The following RBM44 variants were observed in gnomAD, a reference collection of about 807,000 sequenced individuals.
The protein encoded by RBM44 is RNA binding motif protein 44, also known as RNA-binding protein 44.
In RBM44, 66 loss-of-function variants were observed where a neutral mutation model predicts 105.1. The ratio of observed to expected loss-of-function variants is 0.63; its 90% CI spans 0.52 to 0.77. RBM44 has a LOEUF of 0.77. RBM44 is among the 30% of genes least tolerant of loss of function. The pLI is 0.00. For missense variants in RBM44, 1,122 were observed against 1,207.8 expected, an observed-to-expected ratio of 0.93 and a Z score of 1.05; for synonymous variants, 365 against 417.6, an observed-to-expected ratio of 0.87 and a Z score of 1.54.
Position 237,817,480 on chromosome 2 carries a change from A to G in RBM44, c.561A>G (p.Glu187=), listed in dbSNP as rs1392628348. 2.0e-5 allele frequency: 32 copies of G among 1,603,940 alleles called. No homozygotes were observed. The highest frequency in any genetic ancestry group is 2.7e-5 in the Non-Finnish European group (32 of 1,174,520). The change falls in exon 3 of 16, where the codon GAA becomes GAG. Residue 187 remains glutamate (E), a synonymous_variant. Coordinates refer to ENST00000316997, the MANE Select transcript of RBM44 (RefSeq NM_001080504.3). ...KHDTDEDSQQ[E]YHSAEEQEYI... The stretch of plus-strand genomic sequence containing the variant: ...ATACAGATGAAGACTCACAGCAGGA[A>G]TATCACAGTGCAGAAGAACAAGAAT...
chr2:237,810,274 T>TATATCTCCATTTGAATGTCAAATAG (rs1434591359), intron 1 of RBM44, among the ~76,000 whole-genome samples: 1 of 152,256 alleles, frequency 6.6e-6, no homozygotes, highest in Non-Finnish European at 1.5e-5. Flanking sequence ...TCCAGACCTC[T>TATATCTCCATTTGAATGTCAAATAG]ATATCTCCAT....
At chr2:237,835,887 A>G (rs150358927) in intron 15 of RBM44, among the ~76,000 whole-genome samples, 51 of 152,210 alleles carry the variant, frequency 3.4e-4, no homozygotes, top group East Asian at 1.2e-3. Context: ...TCAGTCCCCA[A>G]AGTCCAATGT....
rs2061742282 is a variant in RBM44, at chr2:237,818,177, G to A, written c.1258G>A (p.Asp420Asn). Residue 420 changes from aspartate to asparagine, a missense_variant, in exon 3 of 16, where the codon GAT (aspartate) becomes AAT (asparagine). Physicochemically the swap from Asp to Asn is conservative, Grantham distance 23. Around this residue, in one of 3 missense-constraint regions of RBM44, gnomAD observed 918 missense variants for 955.3 expected, o/e 0.96. Transcript: ENST00000316997. This position sits in a 1 kb window ranked among gnomAD's most constrained non-coding sequence, Gnocchi z 4.6. ...SAMLPKIAVR[D>N]NQAIEDNTSL... ...TATGCTACCAAAGATCGCAGTCAGA[G>A]ATAATCAGGCAATAGAAGATAATAC... is the stretch of plus-strand genomic sequence containing the variant. The A allele has an allele frequency of 6.2e-7, 1 of 1,613,144 alleles. No individual in the cohort carries two copies. Among genetic ancestry groups the A allele is most frequent in the African/African-American group, 1.3e-5 (1 of 74,994 alleles).
At position 237,821,165 on chromosome 2, in the gene RBM44, A is replaced by G; in HGVS notation, c.2008A>G (p.Lys670Glu). The G allele has an allele frequency of 2.5e-6, 4 of 1,611,586 alleles. No homozygotes were observed. Among genetic ancestry groups the G allele is most frequent in the Non-Finnish European group, 3.4e-6 (4 of 1,178,772 alleles). ...AGTTAGATATGTGACTTTGAAAGAA[A>G]AAATACACAAAGGCATACCACTGGA... Reference protein sequence around the residue: ...LKVRYVTLKEKIHKGIPLEEL... With the variant: ...LKVRYVTLKEEIHKGIPLEEL... The change falls in exon 6 of 16, where the codon AAA becomes GAA. Residue 670 changes from lysine to glutamate, a missense_variant. Physicochemically the swap from Lys to Glu is moderately conservative, Grantham distance 56. Transcript: ENST00000316997.
intron 1 of RBM44, among the ~76,000 whole-genome samples, chr2:237,802,751 C>T (rs1201988551): frequency 3.3e-5 from 5 of 152,132 alleles, no homozygotes; most frequent in Admixed American, 2.6e-4. Flanking sequence ...AAAACAGGCT[C>T]AGTCATTACT....
rs2150962610 is a variant in RBM44 at position 237,798,977 on chromosome 2, A to T, written c.-19+116A>T. The T allele has an allele frequency of 6.6e-6, 1 of 152,178 alleles. No homozygotes were observed. Among genetic ancestry groups the T allele is most frequent in the African/African-American group, 2.4e-5 (1 of 41,516 alleles). 9.4% of individuals were successfully genotyped at this position (152,178 alleles called of 1,614,324 possible). A position where few individuals can be genotyped will look rare whatever the true frequency, so the allele number is the denominator to read the frequency against. On this transcript the variant is annotated intron_variant, in intron 1 of 15. Coordinates refer to ENST00000316997, the MANE Select transcript of RBM44 (RefSeq NM_001080504.3). This position sits in a 1 kb window ranked among gnomAD's most constrained non-coding sequence, Gnocchi z 4.3. ...CCGCGTGTGGCCGGTCCCGGCGGCG[A>T]GGCCCGTCCCGCTGAAGCACGCGGG... is the stretch of plus-strand genomic sequence containing the variant.
chr2:237,828,354 A>G (rs2061869688), intron 12 of RBM44, among the ~76,000 whole-genome samples: 1 of 152,140 alleles, frequency 6.6e-6, no homozygotes, highest in Admixed American at 6.6e-5. Context: ...TAATTGTAAG[A>G]TAATTGTTCA....
At chr2:237,836,495 C>A (rs898926589) in intron 15 of RBM44, among the ~76,000 whole-genome samples, 1 of 152,032 alleles carries the variant, frequency 6.6e-6, no homozygotes, top group Non-Finnish European at 1.5e-5. Flanking sequence ...AAATTTCAAC[C>A]TTTCAGCCAG....
At chr2:237,838,064 A>G (rs2061977097) in intron 15 of RBM44, among the ~76,000 whole-genome samples, 1 of 152,244 alleles carries the variant, frequency 6.6e-6, no homozygotes, top group African/African-American at 2.4e-5. Context: ...TTGATGCAGC[A>G]AACTTCATTG....
intron 4 of RBM44, 72 bp downstream of exon 4, chr2:237,819,031 C>T: frequency 1.5e-6 from 1 of 682,300 alleles, no homozygotes; most frequent in Middle Eastern, 3.8e-4. Flanking sequence ...TTCTGTATAG[C>T]ATACTTACCC....
rs1167594796 is a variant in RBM44 at position 237,834,109 on chromosome 2, A to G, written c.2999A>G (p.Lys1000Arg). The change falls in exon 14 of 16, where the codon AAG becomes AGG. Residue 1000 changes from lysine (K) to arginine (R), a missense_variant. By Grantham distance (26) the Lys-to-Arg change is conservative. Transcript: ENST00000316997. Reference sequence around the variant, plus strand: ...CTTCGTAGCTTTACCAAGATCATAAAGAGACTGGCTGAACTGCATCCAGAA... The same window carrying G: ...CTTCGTAGCTTTACCAAGATCATAAGGAGACTGGCTGAACTGCATCCAGAA... ...LNLRSFTKII[K>R]RLAELHPEVS... The G allele has an allele frequency of 6.3e-7, 1 of 1,581,950 alleles. No homozygotes were observed. The highest frequency in any genetic ancestry group is 8.6e-7 in the Non-Finnish European group (1 of 1,162,288).
chr2:237,832,689 C>T (rs1313452385), intron 13 of RBM44, among the ~76,000 whole-genome samples: 2 of 152,158 alleles, frequency 1.3e-5, no homozygotes, highest in Admixed American at 6.6e-5. Context: ...CTGGCAATTT[C>T]TTGTTCCCTT....
At chr2:237,840,204 A>T (rs868031150) in intron 15 of RBM44, among the ~76,000 whole-genome samples, 2 of 151,308 alleles carry the variant, frequency 1.3e-5, no homozygotes, top group African/African-American at 4.9e-5. Context: ...AAAAAAAAAA[A>T]AAAAAAGGGC....
At chr2:237,812,751 T>G (rs2061672311) in intron 1 of RBM44, among the ~76,000 whole-genome samples, 1 of 152,152 alleles carries the variant, frequency 6.6e-6, no homozygotes, top group African/African-American at 2.4e-5. Flanking sequence ...AATGATTTTG[T>G]GAGTTGGCTG....
At chr2:237,834,170 C>A in intron 14 of RBM44, 28 bp downstream of exon 14, 1 of 1,534,226 alleles carries the variant, frequency 6.5e-7, no homozygotes, top group East Asian at 2.3e-5. Flanking sequence ...ATTTTAACTG[C>A]TTTAAAACTT....
In RBM44 at chr2:237,817,117, A is replaced by G. The variant is rs1559911421; in HGVS notation, c.198A>G (p.Lys66=). Residue 66 remains lysine (K), a synonymous_variant, in exon 3 of 16, where the codon AAA becomes AAG. Transcript: ENST00000316997. ...SSTLEQRANN[K]EISNIDKMDL... is the part of the protein sequence containing the mutation. Reference sequence around the variant, plus strand: ...CACTAGAGCAAAGAGCTAATAATAAAGAAATCAGCAATATTGACAAAATGG... The same window carrying G: ...CACTAGAGCAAAGAGCTAATAATAAGGAAATCAGCAATATTGACAAAATGG... The G allele has an allele frequency of 6.2e-7, 1 of 1,609,522 alleles. No individual in the cohort carries two copies. The highest frequency in any genetic ancestry group is 1.3e-5 in the African/African-American group (1 of 74,702).
Position 237,817,041 on chromosome 2 carries a change from G to C in RBM44, c.122G>C (p.Gly41Ala). 1 of 1,585,372 alleles carries C rather than the reference G, an allele frequency of 6.3e-7. No homozygotes were observed. The highest frequency in any genetic ancestry group is 1.1e-5 in the South Asian group (1 of 87,514). The change falls in exon 3 of 16, where the codon GGT (glycine) becomes GCT (alanine). Residue 41 changes from glycine to alanine, a missense_variant. Physicochemically the swap from Gly to Ala is moderately conservative, Grantham distance 60. Coordinates refer to ENST00000316997, the MANE Select transcript of RBM44 (RefSeq NM_001080504.3). ...KKENLLLSSN[G>A]CDEVKLTFPD... The stretch of plus-strand genomic sequence containing the variant: ...GAAAATTTGTTATTATCCTCCAATG[G>C]TTGTGATGAAGTCAAATTGACTTTT...
Position 237,839,933 on chromosome 2 carries a change from G to A in RBM44, c.*23-1906G>A, listed in dbSNP as rs150305272. ...ATAGGCTGGGGAGGGGGTGGCTCAC[G>A]CCAGTAATCCCAACACTTTGGGAGG... On this transcript the variant is annotated intron_variant, in intron 15 of 15. Coordinates refer to ENST00000316997, the MANE Select transcript of RBM44 (RefSeq NM_001080504.3). 2.3e-3 allele frequency among the ~76,000 whole-genome samples: 353 copies of A among 152,236 alleles called. 1 individual carries two copies. Among genetic ancestry groups the A allele is most frequent in the African/African-American group, 6.8e-3 (283 of 41,550 alleles).
rs1244448196 is a variant in RBM44 at position 237,829,396 on chromosome 2, G to T, written c.2780G>T (p.Ser927Ile). The T allele has an allele frequency of 5.6e-6, 9 of 1,613,516 alleles. No homozygotes were observed. The highest frequency in any genetic ancestry group is 1.6e-4 in the Middle Eastern group (1 of 6,082). The change falls in exon 13 of 16, where the codon AGC becomes ATC. Residue 927 changes from serine (S) to isoleucine (I), a missense_variant. Ser to Ile is a moderately radical substitution (Grantham distance 142, BLOSUM62 -2). This residue lies in a region of RBM44 where 194 missense variants were observed against 225.5 expected (regional missense o/e 0.86). Coordinates refer to ENST00000316997, the MANE Select transcript of RBM44 (RefSeq NM_001080504.3). ...ATTAGTTCGAATAATTTAGAGAAAA[G>T]CACCAACAAACAAATCCACTCAGAA... is the stretch of plus-strand genomic sequence containing the variant. ...NRISSNNLEKSTNKQIHSEFS... is the reference protein window; with the variant it reads ...NRISSNNLEKITNKQIHSEFS...
Sources: gnomAD v4.1 joint callset for allele counts (sites outside exome capture counted in the v4.1 genomes callset) on GRCh38, gnomAD v4.1.1 for gene constraint, gnomAD v4.1.1 regional missense constraint, Gnocchi (gnomAD v3.1) non-coding constraint, MANE v1.5 for transcripts, NCBI Gene and HGNC (gene_info 2026-07-23, HGNC 2026-07-21) for gene names.